The following ATP1A4 variants were observed in gnomAD, a reference collection of about 807,000 sequenced individuals.
ATP1A4 encodes sodium/potassium-transporting ATPase subunit alpha-4.
In ATP1A4, 90 loss-of-function variants were observed where a neutral mutation model predicts 114.3. The observed-to-expected ratio is 0.79, with a 90% CI of 0.66 to 0.94. The LOEUF (loss-of-function observed/expected upper bound fraction) is 0.94, where lower values mean the gene tolerates loss of function less well. Among genes scored for constraint, ATP1A4 ranks in the 40% least tolerant of loss-of-function variants. The pLI is 0.00. For synonymous variants in ATP1A4, 511 were observed against 494.1 expected, an observed-to-expected ratio of 1.03 and a Z score of -0.45; for missense variants, 1,222 against 1,313.6, an observed-to-expected ratio of 0.93 and a Z score of 1.08.
intron 5 of ATP1A4, 61 bp downstream of exon 5, chr1:160,159,197 C>G: frequency 6.4e-7 from 1 of 1,572,512 alleles, no homozygotes; most frequent in Non-Finnish European, 8.6e-7. Flanking sequence ...AGGGTAGACA[C>G]CTGGGCCGTT....
chr1:160,181,544 A>C, intron 18 of ATP1A4, 140 bp from the exon 19 acceptor site: 1 of 948,226 alleles, frequency 1.1e-6, no homozygotes, highest in Non-Finnish European at 1.5e-6. Context: ...AACAAGAGCG[A>C]GACTTAGTCT....
intron 12 of ATP1A4, among the ~76,000 whole-genome samples, chr1:160,172,573 T>C (rs953957564): frequency 6.6e-6 from 1 of 152,216 alleles, no homozygotes; most frequent in African/African-American, 2.4e-5. Flanking sequence ...AGGTGTTCTG[T>C]GTCCCATGTT....
intron 20 of ATP1A4, among the ~76,000 whole-genome samples, chr1:160,184,063 C>T (rs758448430): frequency 6.6e-6 from 1 of 151,876 alleles, no homozygotes; most frequent in Non-Finnish European, 1.5e-5. Context: ...AGCAATTCTC[C>T]TGCCTCAGTC....
intron 20 of ATP1A4, among the ~76,000 whole-genome samples, chr1:160,185,984 A>G (rs1653869834): frequency 6.7e-6 from 1 of 149,280 alleles, no homozygotes; most frequent in Non-Finnish European, 1.5e-5. Context: ...AATCTCAGCT[A>G]CTCAGGAGGC....
Position 160,186,799 on chromosome 1 carries a change from G to T in ATP1A4, c.*100G>T. 2.3e-6 allele frequency: 3 copies of T among 1,309,726 alleles called. No homozygotes were observed. The South Asian group carries it at 3.8e-5, about 17-fold the overall frequency. 81.1% of individuals were successfully genotyped at this position (1,309,726 alleles called of 1,614,324 possible). A position where few individuals can be genotyped will look rare whatever the true frequency, so the allele number is the denominator to read the frequency against. On this transcript the variant is annotated 3_prime_UTR_variant, in exon 22 of 22. Transcript: ENST00000368081. ...GACACAACATCTGAGACACTAGGAT[G>T]AATTATCTTGGATGAGAAAGATGGG... is the stretch of plus-strand genomic sequence containing the variant.
In ATP1A4 at chr1:160,155,164, C is replaced by T. The variant is rs1652600228; in HGVS notation, c.327C>T (p.Ser109=). The change falls in exon 3 of 22, where the codon TCC becomes TCT. Residue 109 remains serine (S), a synonymous_variant. Coordinates refer to ENST00000368081, the MANE Select transcript of ATP1A4 (RefSeq NM_144699.4). ...GTAAGCAACTGTTCGGAGGCTTCTC[C>T]CTCCTACTATGGACTGGGGCCATTC... The part of the protein sequence containing the change: ...KFCKQLFGGF[S]LLLWTGAILC... 1 of 1,613,818 alleles carries T rather than the reference C, an allele frequency of 6.2e-7. No individual in the cohort carries two copies. The highest frequency in any genetic ancestry group is 1.3e-5 in the African/African-American group (1 of 74,912).
At chr1:160,182,149 ATGTACACTC>A (rs1034339840) in intron 20 of ATP1A4, 118 bp downstream of exon 20, 6 of 785,472 alleles carry the variant, frequency 7.6e-6, no homozygotes, top group African/African-American at 1.7e-5. Context: ...ATGGAGCTAC[ATGTACACTC>A]AGTGATACAA....
chr1:160,176,247 G>GT lies in ATP1A4; in HGVS notation c.2466+2dup. On this transcript the variant is annotated splice_donor_variant, in intron 16 of 21. Coordinates refer to ENST00000368081, the MANE Select transcript of ATP1A4 (RefSeq NM_144699.4). LOFTEE classifies it high-confidence loss of function. ...CTGCATTGATCTCGGCACTGACATG[G>GT]TAAGGGCCAAGCTGGTGAGCAAGAG... is the stretch of plus-strand genomic sequence containing the variant. The GT allele has an allele frequency of 1.2e-6, 2 of 1,614,082 alleles. No individual in the cohort carries two copies. The highest frequency in any genetic ancestry group is 2.2e-5 in the South Asian group (2 of 91,076).
At position 160,173,702 on chromosome 1, in the gene ATP1A4, G is replaced by A; in HGVS notation, c.1976G>A (p.Ser659Asn). The A allele has an allele frequency of 6.2e-7, 1 of 1,614,152 alleles. No individual in the cohort carries two copies. The highest frequency in any genetic ancestry group is 1.3e-5 in the African/African-American group (1 of 75,044). The change falls in exon 13 of 22, where the codon AGC becomes AAC. Residue 659 changes from serine to asparagine, a missense_variant. Coordinates refer to ENST00000368081, the MANE Select transcript of ATP1A4 (RefSeq NM_144699.4). ...GCTGCCCGGCTTAAGATCCCTATCA[G>A]CAAGGTCGATGCCAGGTGAGATCAC... The part of the protein sequence containing the change: ...EVAARLKIPI[S>N]KVDASAAKAI...
intron 7 of ATP1A4, among the ~76,000 whole-genome samples, chr1:160,165,965 G>C (rs572446139): frequency 6.6e-6 from 1 of 151,822 alleles, no homozygotes; most frequent in Non-Finnish European, 1.5e-5. Context: ...ATGATACCCT[G>C]GTAAAGAAAT....
chr1:160,171,760 A>C lies in ATP1A4; in HGVS notation c.1854+3A>C, dbSNP rs757471361. 1 of 1,613,598 alleles carries C rather than the reference A, an allele frequency of 6.2e-7. No homozygotes were observed. Among genetic ancestry groups the C allele is most frequent in the African/African-American group, 1.3e-5 (1 of 74,898 alleles). On this transcript the variant is annotated splice_donor_region_variant and intron_variant, in intron 12 of 21. Transcript: ENST00000368081. ...AGTGTCGCAGTGCAGGAATTAAGGT[A>C]AATACTTGCCCAGACCAGGAGCCCC...
At chr1:160,165,826 TC>T (rs1362303015) in intron 7 of ATP1A4, among the ~76,000 whole-genome samples, 1 of 152,154 alleles carries the variant, frequency 6.6e-6, no homozygotes, top group Non-Finnish European at 1.5e-5. Context: ...ATCTATGTGG[TC>T]CCTGGAAAGA....
intron 20 of ATP1A4, among the ~76,000 whole-genome samples, chr1:160,184,160 T>C (rs924644453): frequency 2.0e-5 from 3 of 151,982 alleles, no homozygotes; most frequent in Non-Finnish European, 4.4e-5. Context: ...TTCATGTTGG[T>C]CAGGCTGGTC....
chr1:160,171,005 C>T, intron 10 of ATP1A4: 1 of 385,290 alleles, frequency 2.6e-6, no homozygotes, highest in Non-Finnish European at 4.6e-6. Flanking sequence ...CTGGTTCTGC[C>T]CCCAGGGAGC....
At chr1:160,152,489 T>C (rs764204263) in intron 1 of ATP1A4, among the ~76,000 whole-genome samples, 17 of 152,134 alleles carry the variant, frequency 1.1e-4, no homozygotes, top group Admixed American at 7.2e-4. Flanking sequence ...GAGTCTGGGC[T>C]GTATGGCCTG....
At position 160,151,668 on chromosome 1, in the gene ATP1A4, G is replaced by A. The variant is rs75539545; in HGVS notation, c.-373G>A. The A allele has an allele frequency of 2.2e-3, 371 of 171,076 alleles. 1 individual carries two copies. The highest frequency in any genetic ancestry group is 8.1e-3 in the African/African-American group (341 of 42,200). 10.6% of individuals were successfully genotyped at this position (171,076 alleles called of 1,614,324 possible). A position where few individuals can be genotyped will look rare whatever the true frequency, so the allele number is the denominator to read the frequency against. ...TTTCCCACCTTCCTGTGGGCCTTGC[G>A]GCATCTTCATCACTGAGGCACCTGG... On this transcript the variant is annotated 5_prime_UTR_variant, in exon 1 of 22. Transcript: ENST00000368081.
chr1:160,152,175 G>A lies in ATP1A4; in HGVS notation c.135G>A (p.Lys45=). ...AGCGCAATATGGAGGAACTGAAGAA[G>A]GAAGTGGTCATGGTGAGGCCACCCA... is the stretch of plus-strand genomic sequence containing the variant. The part of the protein sequence containing the change: ...KQKRNMEELK[K]EVVMDDHKLT... Residue 45 remains lysine, a synonymous_variant, in exon 1 of 22, where the codon AAG becomes AAA. Coordinates refer to ENST00000368081, the MANE Select transcript of ATP1A4 (RefSeq NM_144699.4). 6.2e-7 allele frequency: 1 copy of A among 1,613,614 alleles called. No homozygotes were observed. The highest frequency in any genetic ancestry group is 8.5e-7 in the Non-Finnish European group (1 of 1,179,896).
At chr1:160,178,116 G>A (rs977059359) in intron 18 of ATP1A4, among the ~76,000 whole-genome samples, 1 of 152,156 alleles carries the variant, frequency 6.6e-6, no homozygotes, top group Non-Finnish European at 1.5e-5. Flanking sequence ...CAGCACTTTG[G>A]GAGGCCGAAG....
intron 6 of ATP1A4, among the ~76,000 whole-genome samples, chr1:160,163,946 C>T (rs1255847960): frequency 6.6e-6 from 1 of 152,038 alleles, no homozygotes; most frequent in East Asian, 1.9e-4. Context: ...CTGTGTCAGA[C>T]ACTCCTATCA....
Sources: gnomAD v4.1 joint callset for allele counts (sites outside exome capture counted in the v4.1 genomes callset) on GRCh38, gnomAD v4.1.1 for gene constraint, MANE v1.5 for transcripts, NCBI Gene and HGNC (gene_info 2026-07-23, HGNC 2026-07-21) for gene names.